The following UHRF2 variants were observed in gnomAD, a reference collection of about 807,000 sequenced individuals.
UHRF2 encodes the protein ubiquitin like with PHD and ring finger domains 2.
A neutral mutation model predicts 96.8 loss-of-function variants in UHRF2; 23 were observed. The observed-to-expected ratio is 0.24, with a 90% CI of 0.17 to 0.34. The LOEUF (loss-of-function observed/expected upper bound fraction) is 0.34, where lower values mean the gene tolerates loss of function less well. Ranked by LOEUF, UHRF2 falls within the 10% of genes least tolerant of loss-of-function variation. The pLI, the probability that UHRF2 is intolerant of heterozygous loss-of-function variation, is 1.00. For synonymous variants in UHRF2, 385 were observed against 332.6 expected (o/e 1.16, Z -1.72); for missense variants, 685 against 981.5 (o/e 0.70, Z 4.04).
At chr9:6,467,189 C>A (rs547884462) in intron 4 of UHRF2, among the ~76,000 whole-genome samples, 2 of 152,128 alleles carry the variant, frequency 1.3e-5, no homozygotes, top group Non-Finnish European at 2.9e-5. Context: ...CATTTTCTTG[C>A]CTTTACCATG....
At chr9:6,504,140 C>T (rs1380099238) in intron 14 of UHRF2, among the ~76,000 whole-genome samples, 1 of 151,100 alleles carries the variant, frequency 6.6e-6, no homozygotes, top group African/African-American at 2.4e-5. Context: ...ATTCTCCTGC[C>T]TCAGCCTCCC....
At chr9:6,487,056 T>C in intron 9 of UHRF2, 131 bp downstream of exon 9, 1 of 770,046 alleles carries the variant, frequency 1.3e-6, no homozygotes, top group Non-Finnish European at 2.1e-6. Flanking sequence ...ATCAGTTTTA[T>C]ACAAGTTAGA....
At chr9:6,458,118 G>C (rs924484183) in intron 3 of UHRF2, among the ~76,000 whole-genome samples, 1 of 152,166 alleles carries the variant, frequency 6.6e-6, no homozygotes, top group African/African-American at 2.4e-5. Context: ...GTAGAATTCA[G>C]CTGTGAATCC....
At chr9:6,491,104 C>T (rs1587871836) in intron 9 of UHRF2, among the ~76,000 whole-genome samples, 1 of 152,146 alleles carries the variant, frequency 6.6e-6, no homozygotes, top group African/African-American at 2.4e-5. Flanking sequence ...AATCAAATGC[C>T]AGTTTTAGTG....
In UHRF2 at chr9:6,475,391, G is replaced by A; in HGVS notation, c.864G>A (p.Gly288=). 1 of 1,516,838 alleles carries A rather than the reference G, an allele frequency of 6.6e-7. No homozygotes were observed. Among genetic ancestry groups the A allele is most frequent in the Non-Finnish European group, 8.8e-7 (1 of 1,130,462 alleles). The allele number at this position is 1,516,838 out of a possible 1,614,324, so 94.0% of individuals were successfully genotyped here. The change falls in exon 5 of 16, where the codon GGG becomes GGA. Residue 288 remains glycine (G), a splice_region_variant and synonymous_variant. Transcript: ENST00000276893. ...TAACCTTTCTTCCTTTTTTAAACAG[G>A]GGTTCTGAAGGAACATTAAATGACT... ...KKELRVKIFL[G]GSEGTLNDCK...
chr9:6,455,932 A>C (rs772684718), intron 3 of UHRF2, among the ~76,000 whole-genome samples: 1 of 152,180 alleles, frequency 6.6e-6, no homozygotes, highest in Non-Finnish European at 1.5e-5. Flanking sequence ...TGCAGCGGGC[A>C]TGATCACACC....
At chr9:6,478,593 G>A (rs1446837650) in intron 6 of UHRF2, among the ~76,000 whole-genome samples, 1 of 152,186 alleles carries the variant, frequency 6.6e-6, no homozygotes, top group East Asian at 1.9e-4. Context: ...TGTTTCCAAA[G>A]TTGAACCTTT....
intron 2 of UHRF2, among the ~76,000 whole-genome samples, chr9:6,421,524 C>T (rs938036212): frequency 6.6e-6 from 1 of 152,192 alleles, no homozygotes; most frequent in Non-Finnish European, 1.5e-5. Flanking sequence ...TCAAGCAAAT[C>T]TCCTGCCTTA....
At chr9:6,423,826 T>C (rs1820076263) in intron 2 of UHRF2, among the ~76,000 whole-genome samples, 1 of 151,964 alleles carries the variant, frequency 6.6e-6, no homozygotes. Flanking sequence ...GTGCCTGTAA[T>C]CCCAGCTACT....
intron 3 of UHRF2, among the ~76,000 whole-genome samples, chr9:6,455,408 G>A (rs777240754): frequency 3.3e-5 from 5 of 152,082 alleles, no homozygotes; most frequent in Non-Finnish European, 5.9e-5. Context: ...TTGTACTTGC[G>A]ATAGTTTGCT....
chr9:6,442,974 T>G (rs964628147), intron 3 of UHRF2, among the ~76,000 whole-genome samples: 1 of 152,196 alleles, frequency 6.6e-6, no homozygotes, highest in Non-Finnish European at 1.5e-5. Flanking sequence ...GCTTTTCCTT[T>G]ATTGCTTTAT....
At chr9:6,480,434 G>T (rs921515825) in intron 6 of UHRF2, among the ~76,000 whole-genome samples, 1 of 152,198 alleles carries the variant, frequency 6.6e-6, no homozygotes, top group Non-Finnish European at 1.5e-5. Context: ...TTGAAGGAGT[G>T]AATCAATCCC....
intron 8 of UHRF2, among the ~76,000 whole-genome samples, chr9:6,483,208 C>T (rs1180571959): frequency 6.6e-6 from 1 of 151,658 alleles, no homozygotes; most frequent in African/African-American, 2.4e-5. Context: ...GCCTATAATA[C>T]CAGCTACTCA....
chr9:6,488,721 G>A (rs1407649117), intron 9 of UHRF2, among the ~76,000 whole-genome samples: 1 of 150,948 alleles, frequency 6.6e-6, no homozygotes, highest in Non-Finnish European at 1.5e-5. Context: ...AGGCTAGTCT[G>A]GAACTCCTGG....
At chr9:6,430,043 T>C (rs937658909) in intron 2 of UHRF2, among the ~76,000 whole-genome samples, 2 of 152,254 alleles carry the variant, frequency 1.3e-5, no homozygotes, top group African/African-American at 4.8e-5. Flanking sequence ...AAATGGAGTT[T>C]TACTCTTTTT....
chr9:6,448,171 C>A (rs12346381), intron 3 of UHRF2, among the ~76,000 whole-genome samples: 9,981 of 151,896 alleles, frequency 0.066, 439 homozygotes, highest in African/African-American at 0.12. Context: ...TTCAAAGTTG[C>A]AAAAAGACAG....
At chr9:6,443,390 G>T (rs537377988) in intron 3 of UHRF2, among the ~76,000 whole-genome samples, 1 of 152,312 alleles carries the variant, frequency 6.6e-6, no homozygotes, top group Non-Finnish European at 1.5e-5. Flanking sequence ...GAGGTTTAAA[G>T]AAGTAACTTG....
At chr9:6,468,227 CAT>C (rs1822995878) in intron 4 of UHRF2, among the ~76,000 whole-genome samples, 1 of 152,092 alleles carries the variant, frequency 6.6e-6, no homozygotes, top group Non-Finnish European at 1.5e-5. Context: ...TAGTTTTGTG[CAT>C]AAAGAGTGTC....
At chr9:6,418,689 T>G (rs1819752082) in intron 1 of UHRF2, among the ~76,000 whole-genome samples, 2 of 152,332 alleles carry the variant, frequency 1.3e-5, no homozygotes, top group African/African-American at 4.8e-5. Context: ...AAAGTGATAG[T>G]TGTGGCCTGA....
Sources: allele counts gnomAD v4.1 joint callset (sites outside exome capture counted in the v4.1 genomes callset), GRCh38; gene constraint gnomAD v4.1.1; transcripts MANE v1.5; gene names NCBI Gene and HGNC (gene_info 2026-07-23, HGNC 2026-07-21).